PLPPR5: variants seen among roughly 807,000 people sequenced by gnomAD.
PLPPR5 encodes the protein phospholipid phosphatase related 5.
In PLPPR5, 16 loss-of-function variants were observed where a neutral mutation model predicts 33.9. That is an observed-to-expected ratio of 0.47 (90% CI 0.32 to 0.72). PLPPR5 has a LOEUF of 0.72. Among genes scored for constraint, PLPPR5 ranks in the 30% least tolerant of loss-of-function variants. The probability of loss-of-function intolerance (pLI) is 0.03; values close to 1 mark genes in which losing one functional copy is unlikely to be tolerated. For missense variants in PLPPR5, 301 were observed against 406.7 expected (o/e 0.74, Z 2.23); for synonymous variants, 163 against 150.3 (o/e 1.08, Z -0.62).
intron 4 of PLPPR5, among the ~76,000 whole-genome samples, chr1:98,921,011 T>G (rs1340621436): frequency 6.6e-6 from 1 of 152,134 alleles, no homozygotes; most frequent in African/African-American, 2.4e-5. Context: ...ATACTATACT[T>G]TAAGAGTATA....
chr1:99,004,740 C>G lies in PLPPR5; in HGVS notation c.-69G>C. On this transcript the variant is annotated 5_prime_UTR_variant, in exon 1 of 6. Transcript: ENST00000263177. ...GACGCGGTGGGCCCCCTCCCCGGTC[C>G]GCCGAGGCAGCCACCGGGGGCGCGG... 9.1e-7 allele frequency: 1 copy of G among 1,096,798 alleles called. No individual in the cohort carries two copies. The highest frequency in any genetic ancestry group is 1.2e-6 in the Non-Finnish European group (1 of 856,606). The allele number at this position is 1,096,798 out of a possible 1,614,324, so 67.9% of individuals were successfully genotyped here.
At chr1:98,913,880 A>G (rs1649245570) in intron 5 of PLPPR5, among the ~76,000 whole-genome samples, 1 of 152,180 alleles carries the variant, frequency 6.6e-6, no homozygotes, top group Non-Finnish European at 1.5e-5. Flanking sequence ...CAAGAAAAGT[A>G]TTTACCTGGT....
At chr1:98,966,766 A>G (rs1029794714) in intron 1 of PLPPR5, among the ~76,000 whole-genome samples, 3 of 152,208 alleles carry the variant, frequency 2.0e-5, no homozygotes, top group African/African-American at 4.8e-5. Flanking sequence ...GATAAGAAAC[A>G]CATGAAGCTG....
intron 1 of PLPPR5, among the ~76,000 whole-genome samples, chr1:98,981,678 A>G (rs1425814035): frequency 1.3e-5 from 2 of 152,078 alleles, no homozygotes; most frequent in African/African-American, 4.8e-5. Context: ...AATGTTTTTA[A>G]TAACTATATG....
chr1:98,893,797 A>G (rs1296092238), intron 5 of PLPPR5, among the ~76,000 whole-genome samples: 1 of 151,926 alleles, frequency 6.6e-6, no homozygotes, highest in Non-Finnish European at 1.5e-5. Context: ...TTATGTCAAG[A>G]TCTAATATGA....
At chr1:98,922,854 G>A (rs999971931) in intron 3 of PLPPR5, among the ~76,000 whole-genome samples, 8 of 151,986 alleles carry the variant, frequency 5.3e-5, no homozygotes, top group Admixed American at 1.3e-4. Context: ...GCGTGGTGGC[G>A]GGCACCTGTA....
intron 1 of PLPPR5, chr1:98,991,195 G>C (rs770425035): frequency 2.6e-5 from 4 of 151,826 alleles, no homozygotes; most frequent in East Asian, 1.9e-4. Flanking sequence ...AGTCTCAGCA[G>C]GAGAGAAAAT....
chr1:98,911,292 A>G (rs1014705216), intron 5 of PLPPR5, among the ~76,000 whole-genome samples: 1 of 152,232 alleles, frequency 6.6e-6, no homozygotes, highest in Non-Finnish European at 1.5e-5. Context: ...ACCAAATCAG[A>G]TTCAAACCAT....
Position 98,921,893 on chromosome 1 carries a change from C to A in PLPPR5, c.787G>T (p.Ala263Ser). 1 of 1,612,606 alleles carries A rather than the reference C, an allele frequency of 6.2e-7. No individual in the cohort carries two copies. Among genetic ancestry groups the A allele is most frequent in the South Asian group, 1.1e-5 (1 of 90,872 alleles). The change falls in exon 4 of 6, where the codon GCA becomes TCA. Residue 263 changes from alanine (A) to serine (S), a missense_variant. Transcript: ENST00000263177. ...AAATTTGTACTTACCAGAAATACTGCTATAGATATTCCAACCAGAAAGCCT... is the reference window on the plus strand; with the variant it reads ...AAATTTGTACTTACCAGAAATACTGATATAGATATTCCAACCAGAAAGCCT... ...IAGFLVGISIAVFLVVCVVNN... is the reference protein window; with the variant it reads ...IAGFLVGISISVFLVVCVVNN...
intron 1 of PLPPR5, among the ~76,000 whole-genome samples, chr1:98,978,393 T>C (rs115304744): frequency 0.01 from 1,589 of 152,222 alleles, 28 homozygotes; most frequent in African/African-American, 0.037. Context: ...CGATGTTGCA[T>C]TGGGATTTGT....
rs1249024032 is a variant in PLPPR5 at position 98,922,107 on chromosome 1, A to G, written c.622-49T>C. 1.8e-5 allele frequency: 27 copies of G among 1,537,754 alleles called. No individual in the cohort carries two copies. The East Asian group carries it at 5.9e-4, about 33-fold the overall frequency. The stretch of plus-strand genomic sequence containing the variant: ...GACTTTTCATGAAGGTATTTCCTTT[A>G]TTAGCATAGCATATTATGTGTATGT... On this transcript the variant is annotated intron_variant, in intron 3 of 5. Transcript: ENST00000263177.
At chr1:98,920,834 T>A (rs939253142) in intron 4 of PLPPR5, among the ~76,000 whole-genome samples, 4 of 152,154 alleles carry the variant, frequency 2.6e-5, no homozygotes, top group African/African-American at 4.8e-5. Flanking sequence ...AAGTATTTTT[T>A]AAATTATAAT....
chr1:98,894,927 G>A (rs377386276), intron 5 of PLPPR5, among the ~76,000 whole-genome samples: 26 of 152,156 alleles, frequency 1.7e-4, no homozygotes, highest in African/African-American at 5.3e-4. Context: ...GCTGGACAGT[G>A]TAACAAAGAA....
chr1:98,976,215 T>C (rs1029159283), intron 1 of PLPPR5, among the ~76,000 whole-genome samples: 2 of 149,200 alleles, frequency 1.3e-5, no homozygotes, highest in Non-Finnish European at 3.0e-5. Flanking sequence ...AATCCACACA[T>C]AGTAATGAAT....
At chr1:98,943,718 G>T (rs1338177657) in intron 3 of PLPPR5, among the ~76,000 whole-genome samples, 1 of 152,202 alleles carries the variant, frequency 6.6e-6, no homozygotes, top group East Asian at 1.9e-4. Context: ...GGATAGTGAA[G>T]ATTTAATGTC....
Position 98,974,016 on chromosome 1 carries a change from A to G in PLPPR5, c.238-17275T>C, listed in dbSNP as rs564819532. Among the ~76,000 whole-genome samples the G allele has an allele frequency of 2.6e-4, 40 of 152,076 alleles. No individual in the cohort carries two copies. The South Asian group carries it at 5.6e-3, about 21-fold the overall frequency. ...CTGGTGTAGTAAATCCTTTCCGGGTAGTGAACCATGCTTAAAGCCGCGGGA... is the reference window on the plus strand; with the variant it reads ...CTGGTGTAGTAAATCCTTTCCGGGTGGTGAACCATGCTTAAAGCCGCGGGA... On this transcript the variant is annotated intron_variant, in intron 1 of 5. Coordinates refer to ENST00000263177, the MANE Select transcript of PLPPR5 (RefSeq NM_001037317.2).
rs141313018 is a variant in PLPPR5, at chr1:98,922,708, G to A, written c.622-650C>T. Among the ~76,000 whole-genome samples the A allele has an allele frequency of 1.1e-3, 165 of 152,212 alleles. 3 individuals carry two copies. The East Asian group carries it at 0.027, about 25-fold the overall frequency. On this transcript the variant is annotated intron_variant, in intron 3 of 5. Coordinates refer to ENST00000263177, the MANE Select transcript of PLPPR5 (RefSeq NM_001037317.2). ...GGACAATAAAACACTTAAGTAGGCC[G>A]GGCGCGGTGGCTCACTCCTGTAATC...
chr1:98,908,903 C>A (rs1266700560), intron 5 of PLPPR5, among the ~76,000 whole-genome samples: 3 of 152,050 alleles, frequency 2.0e-5, no homozygotes, highest in African/African-American at 7.2e-5. Flanking sequence ...TTCTGAGGGC[C>A]TTTTGTCAAT....
intron 1 of PLPPR5, among the ~76,000 whole-genome samples, chr1:98,990,341 C>G (rs2100760001): frequency 6.6e-6 from 1 of 152,142 alleles, no homozygotes; most frequent in Admixed American, 6.6e-5. Context: ...TATACTTCCC[C>G]CTGGGTGACA....
Sources: allele counts gnomAD v4.1 joint callset (sites outside exome capture counted in the v4.1 genomes callset), GRCh38; gene constraint gnomAD v4.1.1; transcripts MANE v1.5; gene names NCBI Gene and HGNC (gene_info 2026-07-23, HGNC 2026-07-21).